Variants in CBLB observed in about 807,000 individuals in gnomAD.
CBLB encodes E3 ubiquitin-protein ligase CBL-B.
A neutral mutation model predicts 104.9 loss-of-function variants in CBLB; 31 were observed. That is an observed-to-expected ratio of 0.30 (90% CI 0.22 to 0.40). The LOEUF (loss-of-function observed/expected upper bound fraction) is 0.40, where lower values mean the gene tolerates loss of function less well. Ranked by LOEUF, CBLB falls within the 10% of genes least tolerant of loss-of-function variation. CBLB has a pLI of 1.00. For missense variants in CBLB, 1,062 were observed against 1,214.6 expected (o/e 0.87, Z 1.87); for synonymous variants, 440 against 422.6 (o/e 1.04, Z -0.51).
chr3:105,780,660 G>GTTTTTTTTTTT (rs58640968), intron 3 of CBLB, among the ~76,000 whole-genome samples: 63 of 94,030 alleles, frequency 6.7e-4, no homozygotes, highest in Admixed American at 1.1e-3. Context: ...TTTGTTTTTT[G>GTTTTTTTTTTT]TTTTTTTTTT....
intron 3 of CBLB, among the ~76,000 whole-genome samples, chr3:105,818,478 C>G (rs2085364404): frequency 6.6e-6 from 1 of 152,024 alleles, no homozygotes; most frequent in Non-Finnish European, 1.5e-5. Context: ...AAATAAGGCA[C>G]AATGACTACA....
intron 2 of CBLB, among the ~76,000 whole-genome samples, chr3:105,867,166 T>C (rs186499071): frequency 4.6e-5 from 7 of 152,304 alleles, no homozygotes; most frequent in African/African-American, 1.7e-4. Flanking sequence ...GGTAAAACTT[T>C]ACATACTGAG....
At position 105,657,271 on chromosome 3, in the gene CBLB, G is replaced by A. The variant is rs1350809137; in HGVS notation, c.*1699C>T. 4.5e-6 allele frequency: 1 copy of A among 220,258 alleles called. No homozygotes were observed. Among genetic ancestry groups the A allele is most frequent in the East Asian group, 6.6e-5 (1 of 15,078 alleles). 13.6% of individuals were successfully genotyped at this position (220,258 alleles called of 1,614,324 possible). A position where few individuals can be genotyped will look rare whatever the true frequency, so the allele number is the denominator to read the frequency against. On this transcript the variant is annotated 3_prime_UTR_variant, in exon 19 of 19. Transcript: ENST00000394030. ...CTAGATGTTCAGTCATGTCCTTTCA[G>A]GTCCTGAAGGCAGGCTCACTCTCTG...
chr3:105,779,842 A>G (rs780504481), intron 3 of CBLB, among the ~76,000 whole-genome samples: 3 of 151,566 alleles, frequency 2.0e-5, no homozygotes, highest in Non-Finnish European at 4.4e-5. Context: ...CCATCCCACT[A>G]TGCATCCTTT....
chr3:105,842,158 C>G (rs928844369), intron 3 of CBLB, among the ~76,000 whole-genome samples: 1 of 152,178 alleles, frequency 6.6e-6, no homozygotes, highest in Non-Finnish European at 1.5e-5. Flanking sequence ...AGCCACTGCA[C>G]ATGCAGGTGT....
intron 3 of CBLB, among the ~76,000 whole-genome samples, chr3:105,780,670 T>TTTTTTTTTTTTTTTTTTG (rs1560209728): frequency 7.4e-6 from 1 of 135,176 alleles, no homozygotes; most frequent in Non-Finnish European, 1.6e-5. Context: ...GTTTTTTTTT[T>TTTTTTTTTTTTTTTTTTG]TTTTTTTTTT....
At chr3:105,679,770 C>T (rs1461051515) in intron 16 of CBLB, among the ~76,000 whole-genome samples, 2 of 5,220 alleles carry the variant, frequency 3.8e-4, no homozygotes, top group Non-Finnish European at 1.4e-3. Flanking sequence ...GAAAGACTGT[C>T]TCAAAAAAAA....
intron 10 of CBLB, among the ~76,000 whole-genome samples, chr3:105,716,177 T>C (rs1188222117): frequency 6.6e-6 from 1 of 152,196 alleles, no homozygotes; most frequent in Non-Finnish European, 1.5e-5. Flanking sequence ...TGTGTCAAAA[T>C]GACCATGTGA....
intron 3 of CBLB, among the ~76,000 whole-genome samples, chr3:105,830,296 A>C (rs1396739611): frequency 6.6e-6 from 1 of 152,226 alleles, no homozygotes; most frequent in African/African-American, 2.4e-5. Flanking sequence ...TATATGACAG[A>C]CATTTAGATC....
At chr3:105,843,201 A>G (rs989402181) in intron 3 of CBLB, among the ~76,000 whole-genome samples, 2 of 152,216 alleles carry the variant, frequency 1.3e-5, no homozygotes, top group African/African-American at 4.8e-5. Context: ...ACCATTCAAC[A>G]TGCCACTTTC....
chr3:105,682,837 T>C (rs527342864), intron 14 of CBLB, among the ~76,000 whole-genome samples: 7 of 152,168 alleles, frequency 4.6e-5, no homozygotes, highest in Non-Finnish European at 1.0e-4. Context: ...AATCATACTA[T>C]GAACACAATG....
chr3:105,725,449 C>T (rs1012506144), intron 9 of CBLB, among the ~76,000 whole-genome samples: 19 of 152,140 alleles, frequency 1.2e-4, no homozygotes, highest in East Asian at 3.8e-4. Flanking sequence ...GTATCTGTTA[C>T]GGTCCACACA....
intron 18 of CBLB, among the ~76,000 whole-genome samples, chr3:105,662,799 G>A (rs2063915896): frequency 1.3e-5 from 2 of 152,190 alleles, no homozygotes; most frequent in African/African-American, 4.8e-5. Context: ...GAGAAGCCCT[G>A]GTTTAGGAGT....
chr3:105,806,792 G>A (rs1369440209), intron 3 of CBLB, among the ~76,000 whole-genome samples: 2 of 151,916 alleles, frequency 1.3e-5, no homozygotes, highest in African/African-American at 4.8e-5. Context: ...TTAAAATACT[G>A]GTCAATAATA....
chr3:105,667,482 C>A (rs1025685114), intron 18 of CBLB, among the ~76,000 whole-genome samples: 1 of 152,038 alleles, frequency 6.6e-6, no homozygotes, highest in Non-Finnish European at 1.5e-5. Flanking sequence ...GTCCTATATA[C>A]CGATATATGT....
chr3:105,792,469 T>C (rs2081783404), intron 3 of CBLB, among the ~76,000 whole-genome samples: 1 of 152,162 alleles, frequency 6.6e-6, no homozygotes, highest in Non-Finnish European at 1.5e-5. Context: ...TTGTCATCCC[T>C]CTTGCTCAAT....
chr3:105,713,338 G>A (rs1313129435), intron 10 of CBLB, among the ~76,000 whole-genome samples: 1 of 151,560 alleles, frequency 6.6e-6, no homozygotes, highest in Non-Finnish European at 1.5e-5. Flanking sequence ...CACTCCAAGA[G>A]GGCAGCTCTA....
chr3:105,775,083 G>A (rs1298740248), intron 4 of CBLB, among the ~76,000 whole-genome samples: 1 of 152,034 alleles, frequency 6.6e-6, no homozygotes, highest in African/African-American at 2.4e-5. Context: ...ATTCAGATAA[G>A]GATAAACTTT....
At chr3:105,796,841 A>G (rs2082303511) in intron 3 of CBLB, among the ~76,000 whole-genome samples, 2 of 152,226 alleles carry the variant, frequency 1.3e-5, no homozygotes. Flanking sequence ...TTCATCACTA[A>G]TCATTAGAGA....
Sources: allele counts gnomAD v4.1 joint callset (sites outside exome capture counted in the v4.1 genomes callset), GRCh38; gene constraint gnomAD v4.1.1; transcripts MANE v1.5; gene names NCBI Gene and HGNC (gene_info 2026-07-23, HGNC 2026-07-21).